Variants in SIAH3 observed in about 807,000 individuals in gnomAD.
The protein encoded by SIAH3 is siah E3 ubiquitin protein ligase family member 3.
A neutral mutation model predicts 12.6 loss-of-function variants in SIAH3; 9 were observed. The observed-to-expected ratio is 0.72, with a 90% CI of 0.43 to 1.25. The LOEUF is 1.25. SIAH3 is among the 50% of genes most tolerant of loss of function. The pLI is 0.00. For synonymous variants in SIAH3, 154 were observed against 151.1 expected, an observed-to-expected ratio of 1.02 and a Z score of -0.14; for missense variants, 390 against 365.4, an observed-to-expected ratio of 1.07 and a Z score of -0.55.
chr13:45,811,960 C>A (rs1235760069), intron 1 of SIAH3, among the ~76,000 whole-genome samples: 8 of 152,198 alleles, frequency 5.3e-5, no homozygotes, highest in Admixed American at 4.6e-4. Flanking sequence ...GGCATGCCTG[C>A]ACTGGAATCC....
Position 45,809,554 on chromosome 13 carries a change from C to T in SIAH3, c.136-25497G>A, listed in dbSNP as rs1950609492. Among the ~76,000 whole-genome samples, 5 of 152,154 alleles carry T rather than the reference C, an allele frequency of 3.3e-5. No individual in the cohort carries two copies. In the South Asian group the frequency reaches 1.0e-3, roughly 32 times the overall value. On this transcript the variant is annotated intron_variant, in intron 1 of 1. Transcript: ENST00000400405. ...TGGCTAAGATTGAAATCAGAAATTA[C>T]TGGGCTGGAAAGACCCCATACTGCT...
intron 1 of SIAH3, among the ~76,000 whole-genome samples, chr13:45,831,362 T>C (rs988608027): frequency 1.3e-5 from 2 of 152,022 alleles, no homozygotes; most frequent in South Asian, 2.1e-4. Flanking sequence ...CTTCCAGGAA[T>C]TGAGGGAGGC....
intron 1 of SIAH3, among the ~76,000 whole-genome samples, chr13:45,784,356 A>T (rs8002091): frequency 0.033 from 4,841 of 146,838 alleles, 247 homozygotes; most frequent in African/African-American, 0.11. Context: ...GTCAAGTAAC[A>T]TGCAGTAGGA....
chr13:45,825,121 G>A (rs1255007729), intron 1 of SIAH3, among the ~76,000 whole-genome samples: 1 of 152,036 alleles, frequency 6.6e-6, no homozygotes, highest in Non-Finnish European at 1.5e-5. Context: ...ACATGAAGCT[G>A]GGGGAAATAA....
chr13:45,801,813 G>A (rs1950583280), intron 1 of SIAH3, among the ~76,000 whole-genome samples: 2 of 152,166 alleles, frequency 1.3e-5, no homozygotes, highest in African/African-American at 4.8e-5. Flanking sequence ...AACATCTGCT[G>A]GCTGATATTC....
intron 1 of SIAH3, among the ~76,000 whole-genome samples, chr13:45,824,409 A>G (rs1462430887): frequency 6.6e-6 from 1 of 152,218 alleles, no homozygotes; most frequent in African/African-American, 2.4e-5. Flanking sequence ...GCTATTAACA[A>G]AAGCAATAAC....
At position 45,837,790 on chromosome 13, in the gene SIAH3, A is replaced by G. The variant is rs144594952; in HGVS notation, c.135+13705T>C. On this transcript the variant is annotated intron_variant, in intron 1 of 1. Coordinates refer to ENST00000400405, the MANE Select transcript of SIAH3 (RefSeq NM_198849.3). ...AAGGTAAACGAAGCTCAAGGTGATT[A>G]AGTAACTTGCCAAGCATCTCATAGA... 7.5e-4 allele frequency among the ~76,000 whole-genome samples: 114 copies of G among 152,348 alleles called. No individual in the cohort carries two copies. In the East Asian group the frequency reaches 0.021, roughly 29 times the overall value.
chr13:45,816,201 A>T (rs1950633840), intron 1 of SIAH3, among the ~76,000 whole-genome samples: 1 of 152,144 alleles, frequency 6.6e-6, no homozygotes, highest in African/African-American at 2.4e-5. Flanking sequence ...ATCCTTGCTG[A>T]TGTATCTGTT....
chr13:45,797,519 C>T (rs1287361783), intron 1 of SIAH3, among the ~76,000 whole-genome samples: 5 of 150,364 alleles, frequency 3.3e-5, no homozygotes, highest in Non-Finnish European at 3.0e-5. Context: ...TCACAACTTC[C>T]CTTGCAGCTA....
chr13:45,826,436 GAT>G (rs1950676605), intron 1 of SIAH3, among the ~76,000 whole-genome samples: 3 of 96,992 alleles, frequency 3.1e-5, no homozygotes, highest in South Asian at 5.0e-4. Context: ...TGGATGAATG[GAT>G]GCATGGATGG....
At chr13:45,832,841 T>C (rs549886870) in intron 1 of SIAH3, among the ~76,000 whole-genome samples, 1 of 152,252 alleles carries the variant, frequency 6.6e-6, no homozygotes, top group Non-Finnish European at 1.5e-5. Context: ...ACTTGTTATT[T>C]TTCTGTTGAC....
At chr13:45,800,881 T>C (rs1393983578) in intron 1 of SIAH3, among the ~76,000 whole-genome samples, 7 of 152,134 alleles carry the variant, frequency 4.6e-5, no homozygotes, top group African/African-American at 1.4e-4. Flanking sequence ...GGTAATGAGA[T>C]AGAACATCGT....
chr13:45,805,143 C>T (rs538995577), intron 1 of SIAH3, among the ~76,000 whole-genome samples: 76 of 152,120 alleles, frequency 5.0e-4, no homozygotes, highest in African/African-American at 1.8e-3. Context: ...GTCAAAATGG[C>T]CATACTGCCC....
chr13:45,809,573 T>C (rs111234135), intron 1 of SIAH3, among the ~76,000 whole-genome samples: 269 of 152,330 alleles, frequency 1.8e-3, no homozygotes, highest in African/African-American at 6.2e-3. Flanking sequence ...AAAGACCCCA[T>C]ACTGCTTACC....
At chr13:45,800,768 T>C (rs995240395) in intron 1 of SIAH3, among the ~76,000 whole-genome samples, 3 of 152,252 alleles carry the variant, frequency 2.0e-5, no homozygotes, top group Non-Finnish European at 2.9e-5. Context: ...TGAATAATTG[T>C]TGACCCATGC....
At chr13:45,788,099 AC>A (rs1466074374) in intron 1 of SIAH3, among the ~76,000 whole-genome samples, 1 of 152,236 alleles carries the variant, frequency 6.6e-6, no homozygotes, top group Non-Finnish European at 1.5e-5. Flanking sequence ...AGACCTGTGT[AC>A]TTGCTGTGCC....
At chr13:45,851,463 C>T in intron 1 of SIAH3, 32 bp downstream of exon 1, 4 of 1,612,354 alleles carry the variant, frequency 2.5e-6, no homozygotes, top group Non-Finnish European at 3.4e-6. Flanking sequence ...TGAACCTGAG[C>T]CCGGTGAAGG....
chr13:45,833,239 G>A (rs1249871971), intron 1 of SIAH3, among the ~76,000 whole-genome samples: 1 of 152,164 alleles, frequency 6.6e-6, no homozygotes, highest in Non-Finnish European at 1.5e-5. Flanking sequence ...GAATGAAGGA[G>A]CTACTCCCAC....
At chr13:45,825,705 A>T (rs1010864463) in intron 1 of SIAH3, among the ~76,000 whole-genome samples, 1 of 152,218 alleles carries the variant, frequency 6.6e-6, no homozygotes, top group Non-Finnish European at 1.5e-5. Context: ...TGCTTTCCTG[A>T]GCTCTGAGCA....
Sources: allele counts gnomAD v4.1 joint callset (sites outside exome capture counted in the v4.1 genomes callset), GRCh38; gene constraint gnomAD v4.1.1; transcripts MANE v1.5; gene names NCBI Gene and HGNC (gene_info 2026-07-23, HGNC 2026-07-21).